The following CSMD1 variants were observed in gnomAD, a reference collection of about 807,000 sequenced individuals.
CSMD1 encodes CUB and sushi domain-containing protein 1.
Under a neutral mutation model 417.5 loss-of-function variants are expected in CSMD1, and 213 were observed. That is an observed-to-expected ratio of 0.51 (90% CI 0.46 to 0.57). The LOEUF (loss-of-function observed/expected upper bound fraction) is 0.57. Among genes scored for constraint, CSMD1 ranks in the 20% least tolerant of loss-of-function variants. The pLI is 0.00. For synonymous variants in CSMD1, 2,862 were observed against 1,736.8 expected, an observed-to-expected ratio of 1.65 and a Z score of -16.11; for missense variants, 6,923 against 4,529.7, an observed-to-expected ratio of 1.53 and a Z score of -15.17.
intron 1 of CSMD1, among the ~76,000 whole-genome samples, chr8:4,656,277 G>C (rs535427761): frequency 3.3e-4 from 50 of 152,126 alleles, no homozygotes; most frequent in African/African-American, 1.2e-3. Flanking sequence ...AAGCCAGTGA[G>C]CCTAGTGAAG....
Position 4,718,404 on chromosome 8 carries a change from C to A in CSMD1, c.86-80846G>T, listed in dbSNP as rs553695436. Among the ~76,000 whole-genome samples the A allele has an allele frequency of 2.0e-5, 3 of 152,314 alleles. No homozygotes were observed. The South Asian group carries it at 6.2e-4, about 32-fold the overall frequency. ...GTCAACTTAACATGATAAAACACAT[C>A]TAGTTCACCACTAAAACCAGGCTGA... is the stretch of plus-strand genomic sequence containing the variant. On this transcript the variant is annotated intron_variant, in intron 1 of 69. Transcript: ENST00000635120.
At position 4,215,982 on chromosome 8, in the gene CSMD1, C is replaced by T. The variant is rs147963275; in HGVS notation, c.416-183883G>A. Among the ~76,000 whole-genome samples the T allele has an allele frequency of 5.0e-3, 766 of 152,288 alleles. 7 individuals are homozygous for T. Among genetic ancestry groups the T allele is most frequent in the African/African-American group, 0.018 (728 of 41,550 alleles). ...TGGCATTTTTATCCAGACTTAAACT[C>T]AGAGAGTGGTGCCCATTTCAGCCAC... is the stretch of plus-strand genomic sequence containing the variant. On this transcript the variant is annotated intron_variant, in intron 3 of 69. Coordinates refer to ENST00000635120, the MANE Select transcript of CSMD1 (RefSeq NM_033225.6).
intron 12 of CSMD1, among the ~76,000 whole-genome samples, chr8:3,467,455 G>C (rs1240078468): frequency 6.6e-6 from 1 of 152,200 alleles, no homozygotes; most frequent in East Asian, 1.9e-4. Context: ...TTGAAGGTCA[G>C]GTCTAAAAAT....
At chr8:3,470,583 G>C (rs191450985) in intron 11 of CSMD1, among the ~76,000 whole-genome samples, 1 of 152,054 alleles carries the variant, frequency 6.6e-6, no homozygotes, top group African/African-American at 2.4e-5. Context: ...ACATGTCTCG[G>C]CTCCTGAATC....
chr8:3,502,127 G>A (rs1486484379), intron 10 of CSMD1, among the ~76,000 whole-genome samples: 3 of 152,052 alleles, frequency 2.0e-5, no homozygotes, highest in Admixed American at 6.6e-5. Flanking sequence ...CACTTTGGAA[G>A]GCTGAGGCTG....
intron 11 of CSMD1, among the ~76,000 whole-genome samples, chr8:3,471,682 C>G (rs749897810): frequency 2.0e-5 from 3 of 148,396 alleles, no homozygotes; most frequent in Admixed American, 1.3e-4. Context: ...CCCTCCCTTC[C>G]TTCCTTCCTT....
intron 23 of CSMD1, among the ~76,000 whole-genome samples, chr8:3,315,438 G>GTATGTGTC (rs72107970): frequency 1.4e-5 from 1 of 69,076 alleles, no homozygotes; most frequent in Non-Finnish European, 2.8e-5. Flanking sequence ...GGTGAAGTGA[G>GTATGTGTC]TGTGTGTGTG....
intron 12 of CSMD1, among the ~76,000 whole-genome samples, chr8:3,441,398 C>A (rs375862682): frequency 1.3e-5 from 2 of 151,682 alleles, no homozygotes; most frequent in African/African-American, 4.8e-5. Flanking sequence ...TCTTCTTTAT[C>A]CTGTTAATTT....
intron 4 of CSMD1, among the ~76,000 whole-genome samples, chr8:4,001,847 T>C (rs1461250389): frequency 1.3e-5 from 2 of 150,150 alleles, no homozygotes; most frequent in Non-Finnish European, 3.0e-5. Context: ...GAAGGCAAAA[T>C]AGAAAAGTCA....
At chr8:4,620,087 T>A (rs559008540) in intron 2 of CSMD1, among the ~76,000 whole-genome samples, 1 of 152,132 alleles carries the variant, frequency 6.6e-6, no homozygotes, top group South Asian at 2.1e-4. Context: ...ACTGCTATAA[T>A]ACTCACATTA....
intron 3 of CSMD1, among the ~76,000 whole-genome samples, chr8:4,111,222 T>C (rs996118442): frequency 2.0e-5 from 3 of 152,186 alleles, no homozygotes; most frequent in African/African-American, 7.2e-5. Context: ...CATCATCTTT[T>C]GGTTCCACGT....
chr8:3,307,986 T>A (rs1805015771), intron 24 of CSMD1, among the ~76,000 whole-genome samples, 165 bp from the exon 25 acceptor site: 1 of 152,164 alleles, frequency 6.6e-6, no homozygotes, highest in Non-Finnish European at 1.5e-5. Context: ...TCCAAATCAT[T>A]ACCTCTGTGG....
chr8:4,346,126 G>A (rs553288144), intron 3 of CSMD1, among the ~76,000 whole-genome samples: 1 of 152,034 alleles, frequency 6.6e-6, no homozygotes, highest in Admixed American at 6.6e-5. Flanking sequence ...AGGACCTGGA[G>A]GTTTTTCTAC....
Position 2,936,234 on chromosome 8 carries a change from T to C in CSMD1, c.*2351A>G, listed in dbSNP as rs1251583414. On this transcript the variant is annotated 3_prime_UTR_variant, in exon 70 of 70. Transcript: ENST00000635120. ...TGATATGTGGTTTCTTGTATGTATG[T>C]ATGTCCTGTCATTTCAGGATTTCAT... 6.6e-6 allele frequency: 1 copy of C among 152,004 alleles called. No homozygotes were observed. Among genetic ancestry groups the C allele is most frequent in the African/African-American group, 2.4e-5 (1 of 41,362 alleles). The allele number at this position is 152,004 out of a possible 1,614,324, so 9.4% of individuals were successfully genotyped here.
chr8:4,915,813 G>C (rs1361263391), intron 1 of CSMD1, among the ~76,000 whole-genome samples: 2 of 152,154 alleles, frequency 1.3e-5, no homozygotes, highest in African/African-American at 4.8e-5. Context: ...TTGGCATCTT[G>C]GCCACACGGA....
chr8:4,308,803 A>G (rs948798894), intron 3 of CSMD1, among the ~76,000 whole-genome samples: 1 of 152,212 alleles, frequency 6.6e-6, no homozygotes, highest in Non-Finnish European at 1.5e-5. Context: ...CAGATGAGTT[A>G]TTATGCTATT....
chr8:4,977,551 C>T (rs991330369), intron 1 of CSMD1, among the ~76,000 whole-genome samples: 2 of 152,200 alleles, frequency 1.3e-5, no homozygotes, highest in Non-Finnish European at 2.9e-5. Context: ...GAACACAGCG[C>T]ACAGTGGCTG....
rs1445423723 is a variant in CSMD1 at position 3,599,964 on chromosome 8, T to A, written c.1098-13704A>T. Among the ~76,000 whole-genome samples the A allele has an allele frequency of 2.0e-5, 3 of 152,214 alleles. No individual in the cohort carries two copies. The East Asian group carries it at 5.8e-4, about 29-fold the overall frequency. ...AAAGCAAAGTGTCGGTCTCTACAATTCATTGATGGCAAGCTCCTGGCAGCA... is the reference window on the plus strand; with the variant it reads ...AAAGCAAAGTGTCGGTCTCTACAATACATTGATGGCAAGCTCCTGGCAGCA... On this transcript the variant is annotated intron_variant, in intron 8 of 69. Transcript: ENST00000635120.
intron 12 of CSMD1, among the ~76,000 whole-genome samples, chr8:3,428,208 G>C (rs1383723488): frequency 2.0e-5 from 3 of 151,374 alleles, no homozygotes; most frequent in African/African-American, 7.3e-5. Context: ...GAGCTACGTA[G>C]AATGAATTTC....
Sources: gnomAD v4.1 joint callset for allele counts (sites outside exome capture counted in the v4.1 genomes callset) on GRCh38, gnomAD v4.1.1 for gene constraint, MANE v1.5 for transcripts, NCBI Gene and HGNC (gene_info 2026-07-23, HGNC 2026-07-21) for gene names.